Variants in KCNH1 observed in about 807,000 individuals in gnomAD.
The protein encoded by KCNH1 is potassium voltage-gated channel subfamily H member 1.
Under a neutral mutation model 69.2 loss-of-function variants are expected in KCNH1, and 27 were observed. That is an observed-to-expected ratio of 0.39 (90% CI 0.29 to 0.54). KCNH1 has a LOEUF of 0.54. KCNH1 is among the 20% of genes least tolerant of loss of function. The pLI is 0.68. For synonymous variants in KCNH1, 456 were observed against 487.7 expected, an observed-to-expected ratio of 0.93 and a Z score of 0.86; for missense variants, 798 against 1,261.6, an observed-to-expected ratio of 0.63 and a Z score of 5.57.
chr1:210,867,159 T>C (rs554985667), intron 7 of KCNH1, among the ~76,000 whole-genome samples: 2 of 152,072 alleles, frequency 1.3e-5, no homozygotes, highest in African/African-American at 2.4e-5. Context: ...GGGTTTCTTT[T>C]GGGAGTTATG....
At chr1:210,858,660 T>C (rs1176910929) in intron 7 of KCNH1, 5 of 155,700 alleles carry the variant, frequency 3.2e-5, no homozygotes, top group Non-Finnish European at 7.1e-5. Context: ...TGAATAAGGC[T>C]ATCAGATTAC....
At chr1:210,762,571 A>G (rs1158615988) in intron 10 of KCNH1, among the ~76,000 whole-genome samples, 2 of 152,186 alleles carry the variant, frequency 1.3e-5, no homozygotes, top group Admixed American at 6.5e-5. Flanking sequence ...AATATAAAAG[A>G]TCCTCAGAGA....
chr1:210,693,010 C>T (rs1574185472), intron 10 of KCNH1, among the ~76,000 whole-genome samples: 1 of 152,186 alleles, frequency 6.6e-6, no homozygotes, highest in Admixed American at 6.5e-5. Context: ...CTGCCCTTTG[C>T]GCTCAGGCCT....
chr1:211,043,040 C>T (rs1430677679), intron 5 of KCNH1, among the ~76,000 whole-genome samples: 1 of 151,964 alleles, frequency 6.6e-6, no homozygotes, highest in African/African-American at 2.4e-5. Flanking sequence ...AAGGTCACAC[C>T]TCAAGGAACT....
intron 10 of KCNH1, among the ~76,000 whole-genome samples, chr1:210,692,280 A>G (rs1283733914): frequency 6.6e-6 from 1 of 152,176 alleles, no homozygotes; most frequent in Non-Finnish European, 1.5e-5. Context: ...TGGGGCCTGA[A>G]AGACTCCCAG....
intron 7 of KCNH1, among the ~76,000 whole-genome samples, chr1:210,864,421 C>G (rs906375770): frequency 6.6e-6 from 1 of 152,190 alleles, no homozygotes; most frequent in African/African-American, 2.4e-5. Context: ...CCAAGTTCCT[C>G]TCAACTCAGC....
intron 10 of KCNH1, among the ~76,000 whole-genome samples, chr1:210,741,126 T>C (rs1052331815): frequency 1.3e-5 from 2 of 152,216 alleles, no homozygotes; most frequent in African/African-American, 2.4e-5. Context: ...ACTAGGATCC[T>C]TCGAATGACT....
intron 6 of KCNH1, among the ~76,000 whole-genome samples, chr1:210,993,593 C>T (rs1397018540): frequency 6.6e-6 from 1 of 152,190 alleles, no homozygotes; most frequent in Non-Finnish European, 1.5e-5. Context: ...TGGAGAAATA[C>T]ATTTAACACT....
chr1:210,998,014 A>C (rs1027751607), intron 6 of KCNH1, among the ~76,000 whole-genome samples: 3 of 152,218 alleles, frequency 2.0e-5, no homozygotes, highest in African/African-American at 7.2e-5. Context: ...TGAAGGAAGC[A>C]CTAAACATGG....
chr1:210,862,089 C>T, intron 7 of KCNH1: 1 of 901,458 alleles, frequency 1.1e-6, no homozygotes, highest in East Asian at 2.4e-5. Context: ...CAGGCCAATA[C>T]TGTGTTATAT....
At chr1:210,886,660 G>T (rs1193238720) in intron 7 of KCNH1, among the ~76,000 whole-genome samples, 2 of 151,926 alleles carry the variant, frequency 1.3e-5, no homozygotes, top group African/African-American at 4.8e-5. Context: ...AAAAAAGTTG[G>T]ATGAATTGCT....
intron 1 of KCNH1, among the ~76,000 whole-genome samples, chr1:211,115,993 G>A (rs1337852653): frequency 2.0e-5 from 3 of 151,620 alleles, no homozygotes; most frequent in South Asian, 4.2e-4. Context: ...AAAATTAGCC[G>A]GGCACAATGG....
chr1:211,001,168 G>C (rs1036343663), intron 6 of KCNH1, among the ~76,000 whole-genome samples: 2 of 152,074 alleles, frequency 1.3e-5, no homozygotes, highest in Non-Finnish European at 2.9e-5. Flanking sequence ...CAAATGGGAT[G>C]TAATCAAACT....
chr1:211,056,710 G>C (rs1690316309), intron 5 of KCNH1, among the ~76,000 whole-genome samples: 1 of 152,282 alleles, frequency 6.6e-6, no homozygotes, highest in South Asian at 2.1e-4. Flanking sequence ...ACACTCCATT[G>C]GTTTGGGAGA....
chr1:210,961,464 G>T (rs926257661), intron 6 of KCNH1, among the ~76,000 whole-genome samples: 1 of 152,010 alleles, frequency 6.6e-6, no homozygotes, highest in Non-Finnish European at 1.5e-5. Flanking sequence ...TTCATCTCTA[G>T]AAGTCTGATG....
At chr1:210,850,106 T>C (rs1343935567) in intron 7 of KCNH1, among the ~76,000 whole-genome samples, 1 of 152,164 alleles carries the variant, frequency 6.6e-6, no homozygotes, top group East Asian at 1.9e-4. Flanking sequence ...AGTGTGCAGG[T>C]CACTTGCACA....
chr1:211,015,554 T>A (rs1462166958), intron 6 of KCNH1, among the ~76,000 whole-genome samples: 4 of 151,442 alleles, frequency 2.6e-5, no homozygotes, highest in Non-Finnish European at 1.5e-5. Context: ...AAGAAAGAGG[T>A]CACGGTGCTA....
chr1:210,715,085 T>C (rs1358654879), intron 10 of KCNH1, among the ~76,000 whole-genome samples: 1 of 152,164 alleles, frequency 6.6e-6, no homozygotes, highest in African/African-American at 2.4e-5. Context: ...AGACTCTGCC[T>C]CAATAGGGGG....
chr1:210,903,636 T>C (rs1302066839), intron 7 of KCNH1, among the ~76,000 whole-genome samples: 3 of 152,110 alleles, frequency 2.0e-5, no homozygotes, highest in East Asian at 3.8e-4. Context: ...AAAAATGAAA[T>C]ATCATCATCA....
Sources: allele counts gnomAD v4.1 joint callset (sites outside exome capture counted in the v4.1 genomes callset), GRCh38; gene constraint gnomAD v4.1.1; transcripts MANE v1.5; gene names NCBI Gene and HGNC (gene_info 2026-07-23, HGNC 2026-07-21).